SYN1: variants seen among roughly 807,000 people sequenced by gnomAD.
SYN1 encodes the protein synapsin I, also known as synapsin-1.
A neutral mutation model predicts 44.6 loss-of-function variants in SYN1; 8 were observed. That is an observed-to-expected ratio of 0.18 (90% CI 0.11 to 0.32). SYN1 has a LOEUF of 0.32. SYN1 is among the 10% of genes least tolerant of loss of function. The pLI is 1.00. For missense variants in SYN1, 451 were observed against 639.4 expected (o/e 0.71, Z 3.18); for synonymous variants, 275 against 280.1 (o/e 0.98, Z 0.18).
At chrX:47,607,727 G>GAAAAAAA (rs5902397) in intron 1 of SYN1, among the ~76,000 whole-genome samples, 4 of 51,716 alleles carry the variant, frequency 7.7e-5, no homozygotes, top group Non-Finnish European at 1.4e-4. Flanking sequence ...AAAAAAAATT[G>GAAAAAAA]AAAAAAAAAA....
At chrX:47,604,896 T>A in intron 5 of SYN1, 82 bp downstream of exon 5, 1 of 933,217 alleles carries the variant, frequency 1.1e-6, no homozygotes, top group Non-Finnish European at 1.5e-6. Context: ...GATATCGCAC[T>A]GCTGATAATA....
chrX:47,607,635 T>C (rs1457813945), intron 1 of SYN1, among the ~76,000 whole-genome samples: 3 of 101,630 alleles, frequency 3.0e-5, no homozygotes, highest in African/African-American at 1.1e-4. Context: ...CTCAGCACTT[T>C]GGGAGGCTGG....
rs1052422186 is a variant in SYN1 at position 47,605,985 on chromosome X, C to T, written c.528-606G>A. On this transcript the variant is annotated intron_variant, in intron 3 of 12. Coordinates refer to ENST00000295987, the MANE Select transcript of SYN1 (RefSeq NM_006950.3). ...ATGGCTCACTGTAATCTCCGCCTCT[C>T]GGGTTCAAGCGATTTCCCTGCCTCA... 1.8e-4 allele frequency among the ~76,000 whole-genome samples: 20 copies of T among 109,796 alleles called. No homozygotes were observed. In the East Asian group the frequency reaches 4.8e-3, roughly 27 times the overall value.
chrX:47,614,737 C>T (rs1218929217), intron 1 of SYN1, among the ~76,000 whole-genome samples: 1 of 111,915 alleles, frequency 8.9e-6, no homozygotes, highest in African/African-American at 3.3e-5. Context: ...CCTCACTGGG[C>T]ATTGGCCTCT....
rs772668988 is a variant in SYN1, at chrX:47,575,235, C to T, written c.1198G>A (p.Asp400Asn). The T allele has an allele frequency of 3.7e-5, 45 of 1,209,237 alleles. No homozygotes were observed. Among genetic ancestry groups the T allele is most frequent in the Non-Finnish European group, 5.0e-5 (45 of 894,140 alleles). Residue 400 changes from aspartate (D) to asparagine (N), a missense_variant, in exon 10 of 13, where the codon GAT becomes AAT. Asp to Asn is a conservative substitution (Grantham distance 23). Transcript: ENST00000295987. ...TCTACGATGAGCTGTTTGTCTTCAT[C>T]CTGGTGGTCACCAATGAGCGGCATG... is the stretch of plus-strand genomic sequence containing the variant. The part of the protein sequence containing the change: ...SSMPLIGDHQ[D>N]EDKQLIVELV...
intron 1 of SYN1, among the ~76,000 whole-genome samples, chrX:47,616,577 A>T (rs1429142180): frequency 9.0e-6 from 1 of 111,657 alleles, no homozygotes; most frequent in Non-Finnish European, 1.9e-5. Flanking sequence ...ACTTCAATGG[A>T]GCAAACTTAA....
intron 5 of SYN1, among the ~76,000 whole-genome samples, chrX:47,588,742 G>GT (rs1318911838): frequency 8.9e-6 from 1 of 111,853 alleles, no homozygotes; most frequent in Non-Finnish European, 1.9e-5. Flanking sequence ...AGCATTCGGG[G>GT]TGTCTGTGGG....
chrX:47,609,974 T>C (rs2057912156), intron 1 of SYN1, among the ~76,000 whole-genome samples: 1 of 111,550 alleles, frequency 9.0e-6, no homozygotes, highest in Non-Finnish European at 1.9e-5. Flanking sequence ...TCCCTGGAAC[T>C]TGAGTGATGT....
chrX:47,605,273 T>C lies in SYN1; in HGVS notation c.634A>G (p.Ser212Gly), dbSNP rs778143553. The C allele has an allele frequency of 8.3e-7, 1 of 1,209,290 alleles. No individual in the cohort carries two copies. Among genetic ancestry groups the C allele is most frequent in the Admixed American group, 2.2e-5 (1 of 45,748 alleles). ...VIGLQYAGIP[S>G]VNSLHSVYNF... ...TAGACAGAATGCAAGGAGTTAACAC[T>C]GGGGATTCCAGCATACTGCAGCCCA... The change falls in exon 4 of 13, where the codon AGT becomes GGT. Residue 212 changes from serine to glycine, a missense_variant. Transcript: ENST00000295987.
At chrX:47,597,056 G>A (rs180923076) in intron 5 of SYN1, among the ~76,000 whole-genome samples, 47 of 111,946 alleles carry the variant, frequency 4.2e-4, no homozygotes, top group African/African-American at 1.2e-3. Context: ...ATTCTGGGCC[G>A]GGCATGGTGG....
chrX:47,578,706 C>A (rs1417611866), intron 5 of SYN1, among the ~76,000 whole-genome samples: 1 of 111,826 alleles, frequency 8.9e-6, no homozygotes, highest in Non-Finnish European at 1.9e-5. Context: ...CCCCCACCCC[C>A]ACAGCACAGC....
intron 5 of SYN1, among the ~76,000 whole-genome samples, chrX:47,591,531 G>A (rs952930616): frequency 4.5e-5 from 5 of 110,154 alleles, no homozygotes; most frequent in Non-Finnish European, 9.5e-5. Context: ...GACCAGCCTG[G>A]CCAACATGGT....
intron 5 of SYN1, among the ~76,000 whole-genome samples, chrX:47,580,411 A>T (rs1292310091): frequency 2.8e-5 from 3 of 107,771 alleles, no homozygotes; most frequent in Admixed American, 9.8e-5. Flanking sequence ...TGGGCGGATC[A>T]CCCGAGGTCA....
intron 1 of SYN1, among the ~76,000 whole-genome samples, chrX:47,609,057 C>T (rs1223644456): frequency 9.1e-6 from 1 of 110,056 alleles, no homozygotes; most frequent in African/African-American, 3.3e-5. Flanking sequence ...GACACTATCC[C>T]CTCAGAAGTG....
rs2057762071 is a variant in SYN1 at position 47,572,177 on chromosome X, G to A, written c.*687C>T. On this transcript the variant is annotated 3_prime_UTR_variant, in exon 13 of 13. Transcript: ENST00000295987. Reference sequence around the variant, plus strand: ...GGCCTTCCGTGTGCAAAGGATTCTGGGAAGATGGGTGGAGTTTGCATATTT... The same window carrying A: ...GGCCTTCCGTGTGCAAAGGATTCTGAGAAGATGGGTGGAGTTTGCATATTT... 8.3e-6 allele frequency: 1 copy of A among 119,964 alleles called. No individual in the cohort carries two copies. The highest frequency in any genetic ancestry group is 3.2e-5 in the African/African-American group (1 of 30,778). The allele number at this position is 119,964 out of a possible 1,213,427, so 9.9% of individuals were successfully genotyped here. A position where few individuals can be genotyped will look rare whatever the true frequency, so the allele number is the denominator to read the frequency against.
At chrX:47,590,877 T>C (rs4824621) in intron 5 of SYN1, among the ~76,000 whole-genome samples, 33,218 of 110,825 alleles carry the variant, frequency 0.3, 3,709 homozygotes, top group South Asian at 0.42. Context: ...CCTACTCTTT[T>C]GTAAAATGTT....
chrX:47,598,156 G>A (rs2057869112), intron 5 of SYN1, among the ~76,000 whole-genome samples: 1 of 111,853 alleles, frequency 8.9e-6, no homozygotes, highest in Non-Finnish European at 1.9e-5. Context: ...GCATTTTTTT[G>A]CGTGTAACAC....
chrX:47,574,465 G>T lies in SYN1; in HGVS notation c.1519C>A (p.Arg507Ser), dbSNP rs2057770942. Residue 507 changes from arginine (R) to serine (S), a missense_variant, in exon 12 of 13, where the codon CGC (arginine) becomes AGC (serine). By Grantham distance (110) the Arg-to-Ser change is moderately radical. Around this residue, in one of 3 missense-constraint regions of SYN1, gnomAD observed 315 missense variants for 451.4 expected, o/e 0.70. Transcript: ENST00000295987. ...GPPAGSPLPQ[R>S]LPSPTSAPQQ... is the part of the protein sequence containing the mutation. ...GGCGCTGAGGTGGGACTTGGAAGGCGCTGGGGCAGGGGGCTGCCAGCTGGG... is the reference window on the plus strand; with the variant it reads ...GGCGCTGAGGTGGGACTTGGAAGGCTCTGGGGCAGGGGGCTGCCAGCTGGG... 2.8e-6 allele frequency: 3 copies of T among 1,070,368 alleles called. No homozygotes were observed. The highest frequency in any genetic ancestry group is 1.9e-5 in the African/African-American group (1 of 52,005). The allele number at this position is 1,070,368 out of a possible 1,213,427, so 88.2% of individuals were successfully genotyped here.
At chrX:47,604,900 G>A in intron 5 of SYN1, 78 bp downstream of exon 5, 1 of 950,581 alleles carries the variant, frequency 1.1e-6, no homozygotes, top group Non-Finnish European at 1.5e-6. Flanking sequence ...TCGCACTGCT[G>A]ATAATATACC....
Sources: allele counts gnomAD v4.1 joint callset (sites outside exome capture counted in the v4.1 genomes callset), GRCh38; gene constraint gnomAD v4.1.1; regional missense constraint gnomAD v4.1.1; transcripts MANE v1.5; gene names NCBI Gene and HGNC (gene_info 2026-07-23, HGNC 2026-07-21).